The following CFTR variants were observed in gnomAD, a reference collection of about 807,000 sequenced individuals.
The protein encoded by CFTR is cystic fibrosis transmembrane conductance regulator.
A neutral mutation model predicts 171.6 loss-of-function variants in CFTR; 181 were observed. The observed-to-expected ratio is 1.05, with a 90% CI of 0.93 to 1.19. The LOEUF (loss-of-function observed/expected upper bound fraction) is 1.19. Among genes scored for constraint, CFTR ranks in the 50% most tolerant of loss-of-function variants. The probability of loss-of-function intolerance (pLI) is 0.00; values close to 1 mark genes in which losing one functional copy is unlikely to be tolerated. For missense variants in CFTR, 1,968 were observed against 1,734.7 expected, an observed-to-expected ratio of 1.13 and a Z score of -2.39; for synonymous variants, 583 against 608.0, an observed-to-expected ratio of 0.96 and a Z score of 0.60.
In CFTR at chr7:117,542,064, A is replaced by G. The variant is rs754159235; in HGVS notation, c.1165A>G (p.Thr389Ala). Residue 389 changes from threonine to alanine, a missense_variant, in exon 9 of 27, where the codon ACT becomes GCT. Transcript: ENST00000003084. ...EYKTLEYNLT[T>A]TEVVMENVTA... ...TAAGACATTGGAATATAACTTAACG[A>G]CTACAGAAGTAGTGATGGAGAATGT... 5 of 1,603,938 alleles carry G rather than the reference A, an allele frequency of 3.1e-6. No individual in the cohort carries two copies. The highest frequency in any genetic ancestry group is 4.3e-6 in the Non-Finnish European group (5 of 1,170,882).
chr7:117,486,497 T>G (rs1798076718), intron 1 of CFTR, among the ~76,000 whole-genome samples: 1 of 152,104 alleles, frequency 6.6e-6, no homozygotes, highest in Non-Finnish European at 1.5e-5. Context: ...GAAGTGTCTT[T>G]TGTATTCACA....
intron 22 of CFTR, among the ~76,000 whole-genome samples, chr7:117,628,194 GTTTGT>G (rs1279433344): frequency 1.3e-5 from 2 of 151,682 alleles, no homozygotes; most frequent in African/African-American, 4.8e-5. Context: ...TTTTCAGTTT[GTTTGT>G]TTTGTTTTTC....
At chr7:117,636,818 CT>C (rs761365825) in intron 22 of CFTR, among the ~76,000 whole-genome samples, 151 of 144,224 alleles carry the variant, frequency 1.0e-3, no homozygotes, top group Middle Eastern at 3.6e-3. Context: ...AAACCTTTAG[CT>C]TTTTTTTTTT....
chr7:117,576,067 G>A (rs926192039), intron 11 of CFTR, among the ~76,000 whole-genome samples: 8 of 152,024 alleles, frequency 5.3e-5, no homozygotes, highest in Admixed American at 4.6e-4. Context: ...ATTAATTTTT[G>A]TATATTGTGT....
At chr7:117,587,629 T>C (rs1018297865) in intron 11 of CFTR, 110 bp from the exon 12 acceptor site, 2 of 681,042 alleles carry the variant, frequency 2.9e-6, no homozygotes, top group African/African-American at 1.8e-5. Flanking sequence ...ATTTCAACTG[T>C]GGTTAAAGCA....
intron 2 of CFTR, 51 bp from the exon 3 acceptor site, chr7:117,508,983 T>G (rs764316560): frequency 8.9e-7 from 1 of 1,121,182 alleles, no homozygotes; most frequent in Non-Finnish European, 1.4e-6. Context: ...ATAGGACAAC[T>G]AAAATATTTG....
intron 11 of CFTR, among the ~76,000 whole-genome samples, chr7:117,565,333 G>A (rs547777284): frequency 6.6e-6 from 1 of 152,242 alleles, no homozygotes; most frequent in Non-Finnish European, 1.5e-5. Flanking sequence ...CTGTTCTCTT[G>A]CCTTTTTAAT....
intron 23 of CFTR, among the ~76,000 whole-genome samples, chr7:117,651,920 A>G (rs886642120): frequency 3.9e-5 from 6 of 152,324 alleles, no homozygotes; most frequent in Non-Finnish European, 8.8e-5. Context: ...AAGAAATTTC[A>G]TTCTTAATTC....
intron 10 of CFTR, among the ~76,000 whole-genome samples, chr7:117,557,421 T>C (rs926058130): frequency 5.3e-5 from 8 of 152,146 alleles, no homozygotes; most frequent in African/African-American, 1.9e-4. Flanking sequence ...TTATTCATGA[T>C]ATTTAGGTCT....
intron 7 of CFTR, among the ~76,000 whole-genome samples, chr7:117,538,186 CA>C (rs957654695): frequency 6.6e-6 from 1 of 152,152 alleles, no homozygotes; most frequent in Non-Finnish European, 1.5e-5. Context: ...TGCTCCTACT[CA>C]AGAGAGCAAA....
At chr7:117,512,939 A>C (rs1798543848) in intron 3 of CFTR, among the ~76,000 whole-genome samples, 1 of 152,174 alleles carries the variant, frequency 6.6e-6, no homozygotes, top group Non-Finnish European at 1.5e-5. Flanking sequence ...ATTAAAGGAC[A>C]TACAGGAGAA....
chr7:117,528,747 C>CA, intron 3 of CFTR, among the ~76,000 whole-genome samples: 1 of 91,998 alleles, frequency 1.1e-5, no homozygotes. Context: ...TTTATGCAGC[C>CA]AAAAAACACA....
Position 117,592,401 on chromosome 7 carries a change from G to A in CFTR, c.2234G>A (p.Gly745Glu). 6.2e-7 allele frequency: 1 copy of A among 1,613,898 alleles called. No individual in the cohort carries two copies. The highest frequency in any genetic ancestry group is 8.5e-7 in the Non-Finnish European group (1 of 1,179,896). The change falls in exon 14 of 27, where the codon GGA (glycine) becomes GAA (glutamate). Residue 745 changes from glycine to glutamate, a missense_variant. Transcript: ENST00000003084. ...TCCTTAGTACCAGATTCTGAGCAGGGAGAGGCGATACTGCCTCGCATCAGC... is the reference window on the plus strand; with the variant it reads ...TCCTTAGTACCAGATTCTGAGCAGGAAGAGGCGATACTGCCTCGCATCAGC... ...RLSLVPDSEQ[G>E]EAILPRISVI...
chr7:117,509,228 T>G lies in CFTR; in HGVS notation c.273+86T>G, dbSNP rs17140013. 5.0e-3 allele frequency: 4,190 copies of G among 842,446 alleles called. 96 individuals are homozygous for G. The African/African-American group carries it at 0.057, about 11-fold the overall frequency. 52.2% of individuals were successfully genotyped at this position (842,446 alleles called of 1,614,324 possible). On this transcript the variant is annotated intron_variant, in intron 3 of 26. Coordinates refer to ENST00000003084, the MANE Select transcript of CFTR (RefSeq NM_000492.4). ...TGAAAAGACTACGAAATCTGGTGAA[T>G]AGGTGTAAAAATATAAAGGATGAAT...
intron 1 of CFTR, among the ~76,000 whole-genome samples, chr7:117,486,416 A>C (rs1231649060): frequency 2.6e-5 from 4 of 152,134 alleles, no homozygotes; most frequent in African/African-American, 9.7e-5. Flanking sequence ...AGCTTTCTCG[A>C]GGGCTTCATT....
chr7:117,599,444 G>A (rs1562910447), intron 15 of CFTR, among the ~76,000 whole-genome samples: 2 of 152,106 alleles, frequency 1.3e-5, no homozygotes, highest in Non-Finnish European at 2.9e-5. Flanking sequence ...CAAGAAAACA[G>A]TGGTCCTTTA....
At chr7:117,624,760 T>G (rs965583084) in intron 21 of CFTR, among the ~76,000 whole-genome samples, 4 of 152,188 alleles carry the variant, frequency 2.6e-5, no homozygotes, top group Non-Finnish European at 4.4e-5. Context: ...GCTACTGTTT[T>G]TGCATAGACA....
intron 1 of CFTR, among the ~76,000 whole-genome samples, chr7:117,494,831 T>C (rs1798213804): frequency 6.6e-6 from 1 of 152,186 alleles, no homozygotes; most frequent in Admixed American, 6.6e-5. Context: ...GTTCCTATAT[T>C]AGGCCAAGGA....
In CFTR at chr7:117,640,909, C is replaced by T. The variant is rs139782821; in HGVS notation, c.3718-1529C>T. 6.0e-4 allele frequency among the ~76,000 whole-genome samples: 91 copies of T among 152,232 alleles called. No homozygotes were observed. In the Middle Eastern group the frequency reaches 0.014, roughly 23 times the overall value. ...AATTCAAATAAATATTTATGGGGCA[C>T]TTTGGGTAAGCCAGGTGCTAAGAAT... On this transcript the variant is annotated intron_variant, in intron 22 of 26. Coordinates refer to ENST00000003084, the MANE Select transcript of CFTR (RefSeq NM_000492.4).
Sources: gnomAD v4.1 joint callset for allele counts (sites outside exome capture counted in the v4.1 genomes callset) on GRCh38, gnomAD v4.1.1 for gene constraint, MANE v1.5 for transcripts, NCBI Gene and HGNC (gene_info 2026-07-23, HGNC 2026-07-21) for gene names.